The following ZMYM3 variants were observed in gnomAD, a reference collection of about 807,000 sequenced individuals.
ZMYM3 encodes zinc finger MYM-type protein 3.
ZMYM3 carries 6 observed loss-of-function variants against 94.2 expected under a neutral mutation model. The ratio of observed to expected loss-of-function variants is 0.06; its 90% CI spans 0.03 to 0.13. The LOEUF (loss-of-function observed/expected upper bound fraction) is 0.13. Ranked by LOEUF, ZMYM3 falls within the 10% of genes least tolerant of loss-of-function variation. ZMYM3 has a pLI of 1.00. For missense variants in ZMYM3, 664 were observed against 1,132.6 expected (o/e 0.59, Z 5.94); for synonymous variants, 420 against 426.5 (o/e 0.98, Z 0.19).
intron 2 of ZMYM3, chrX:71,252,019 C>T (rs1308717710): frequency 4.2e-6 from 1 of 237,026 alleles, no homozygotes; most frequent in Admixed American, 9.4e-5. Context: ...ACCCTCGTCA[C>T]AGCCTGATAG....
chrX:71,245,980 A>G lies in ZMYM3; in HGVS notation c.2685+6T>C. The G allele has an allele frequency of 8.3e-7, 1 of 1,207,542 alleles. No individual in the cohort carries two copies. Reference sequence around the variant, plus strand: ...GGACCCAGCCAGGAAGGGCAGGGAAACTCACCGGGATAGGCATCGAGAAAG... The same window carrying G: ...GGACCCAGCCAGGAAGGGCAGGGAAGCTCACCGGGATAGGCATCGAGAAAG... On this transcript the variant is annotated splice_donor_region_variant and intron_variant, in intron 16 of 24. Transcript: ENST00000314425.
At position 71,248,293 on chromosome X, in the gene ZMYM3, C is replaced by A; in HGVS notation, c.1844G>T (p.Cys615Phe). 1 of 1,205,392 alleles carries A rather than the reference C, an allele frequency of 8.3e-7. No individual in the cohort carries two copies. The highest frequency in any genetic ancestry group is 1.8e-5 in the South Asian group (1 of 55,492). ...GAAGTCCTCACAGCAATCACGGCAG[C>A]AGAACTGGAACACTTGGTCCTGAGG... ...LDWQDQVFQF[C>F]CRDCCEDFKR... is the part of the protein sequence containing the mutation. The change falls in exon 11 of 25, where the codon TGC becomes TTC. Residue 615 changes from cysteine (C) to phenylalanine (F), a missense_variant. Cys to Phe is a radical substitution (Grantham distance 205). This residue lies in a region of ZMYM3 where 159 missense variants were observed against 313.0 expected (regional missense o/e 0.51). Transcript: ENST00000314425.
intron 13 of ZMYM3, 64 bp from the exon 14 acceptor site, chrX:71,246,756 G>A (rs2030197616): frequency 9.6e-7 from 1 of 1,046,906 alleles, no homozygotes; most frequent in East Asian, 3.1e-5. Flanking sequence ...CCTTACCCCT[G>A]TTCCAGGAGA....
chrX:71,242,101 G>A, intron 23 of ZMYM3, 69 bp downstream of exon 23: 1 of 1,139,847 alleles, frequency 8.8e-7, no homozygotes, highest in South Asian at 2.0e-5. Flanking sequence ...GGTATGGTGG[G>A]TTATGGCAGG....
chrX:71,249,060 C>T lies in ZMYM3; in HGVS notation c.1580G>A (p.Cys527Tyr). Residue 527 changes from cysteine (C) to tyrosine (Y), a missense_variant, in exon 8 of 25, where the codon TGC (cysteine) becomes TAC (tyrosine). Cys to Tyr is a radical substitution (Grantham distance 194, BLOSUM62 -2). Coordinates refer to ENST00000314425, the MANE Select transcript of ZMYM3 (RefSeq NM_201599.3). Reference protein sequence around the residue: ...NGKTSLFCSLCCTTSYKVKQA... With the variant: ...NGKTSLFCSLYCTTSYKVKQA... ...CTTCACTTTGTAAGAAGTGGTACAG[C>T]ACAGGGAACAGAACAAGCTGGTCTT... 8.3e-7 allele frequency: 1 copy of T among 1,211,361 alleles called. No individual in the cohort carries two copies. The highest frequency in any genetic ancestry group is 1.1e-6 in the Non-Finnish European group (1 of 895,479).
Position 71,246,765 on chromosome X carries a change from G to A in ZMYM3, c.2315-73C>T, listed in dbSNP as rs998218789. 2.8e-5 allele frequency: 28 copies of A among 1,010,282 alleles called. No individual in the cohort carries two copies. In the African/African-American group the frequency reaches 2.8e-4, roughly 10 times the overall value. The allele number at this position is 1,010,282 out of a possible 1,213,427, so 83.3% of individuals were successfully genotyped here. Reference sequence around the variant, plus strand: ...CATTTTCCTTACCCCTGTTCCAGGAGAGCTTCATTAACAGGTACACCAAAT... The same window carrying A: ...CATTTTCCTTACCCCTGTTCCAGGAAAGCTTCATTAACAGGTACACCAAAT... On this transcript the variant is annotated intron_variant, in intron 13 of 24. Coordinates refer to ENST00000314425, the MANE Select transcript of ZMYM3 (RefSeq NM_201599.3).
chrX:71,251,410 A>G, intron 3 of ZMYM3, 148 bp downstream of exon 3: 3 of 938,984 alleles, frequency 3.2e-6, no homozygotes, highest in Non-Finnish European at 4.4e-6. Flanking sequence ...TTTCTCCCCA[A>G]CAAGCAGTAG....
In ZMYM3 at chrX:71,246,382, A is replaced by G. The variant is rs755704077; in HGVS notation, c.2543T>C (p.Val848Ala). 1 of 1,189,035 alleles carries G rather than the reference A, an allele frequency of 8.4e-7. No individual in the cohort carries two copies. The highest frequency in any genetic ancestry group is 1.1e-6 in the Non-Finnish European group (1 of 887,171). Residue 848 changes from valine (V) to alanine (A), a missense_variant, in exon 15 of 25, where the codon GTG (valine) becomes GCG (alanine). Around this residue, in one of 9 missense-constraint regions of ZMYM3, gnomAD observed 57 missense variants for 52.0 expected, o/e 1.10. Coordinates refer to ENST00000314425, the MANE Select transcript of ZMYM3 (RefSeq NM_201599.3). Reference sequence around the variant, plus strand: ...TTGACTTCCTTTGGACTTCATCTCCACCTTGCAGGAGACGCCCCGATTCTG... The same window carrying G: ...TTGACTTCCTTTGGACTTCATCTCCGCCTTGCAGGAGACGCCCCGATTCTG... ...LMQNRGVSCK[V>A]EMKSKGSQTE...
chrX:71,250,102 T>A lies in ZMYM3; in HGVS notation c.1175A>T (p.Gln392Leu). The A allele has an allele frequency of 4.1e-6, 5 of 1,208,304 alleles. No homozygotes were observed. The highest frequency in any genetic ancestry group is 4.5e-6 in the Non-Finnish European group (4 of 894,022). Reference protein sequence around the residue: ...TSVCLSLYEAQQQRPIPQSGD... With the variant: ...TSVCLSLYEALQQRPIPQSGD... ...AGACTGGGGGATCGGGCGCTGCTGCTGGGCCTCATACAGGGAGAGACAGAC... is the reference window on the plus strand; with the variant it reads ...AGACTGGGGGATCGGGCGCTGCTGCAGGGCCTCATACAGGGAGAGACAGAC... Residue 392 changes from glutamine to leucine, a missense_variant, in exon 6 of 25, where the codon CAG becomes CTG. Gln to Leu is a moderately radical substitution (Grantham distance 113, BLOSUM62 -2). Coordinates refer to ENST00000314425, the MANE Select transcript of ZMYM3 (RefSeq NM_201599.3).
intron 13 of ZMYM3, 136 bp downstream of exon 13, chrX:71,247,204 AAAGAG>A: frequency 1.8e-6 from 1 of 558,749 alleles, no homozygotes; most frequent in East Asian, 3.7e-5. Context: ...TCGGAAGCTA[AAAGAG>A]AATACAGTTC....
chrX:71,247,325 A>T lies in ZMYM3; in HGVS notation c.2314+20T>A. The T allele has an allele frequency of 8.5e-7, 1 of 1,171,733 alleles. No individual in the cohort carries two copies. Among genetic ancestry groups the T allele is most frequent in the Non-Finnish European group, 1.1e-6 (1 of 873,014 alleles). ...GTCCAGGCTCCCTCTAACAGAGTGT[A>T]CCCCCTGCCTGGGACTCACTGTTCA... is the stretch of plus-strand genomic sequence containing the variant. On this transcript the variant is annotated intron_variant, in intron 13 of 24. Coordinates refer to ENST00000314425, the MANE Select transcript of ZMYM3 (RefSeq NM_201599.3).
intron 18 of ZMYM3, 101 bp from the exon 19 acceptor site, chrX:71,244,994 C>A: frequency 1.5e-6 from 1 of 681,908 alleles, no homozygotes; most frequent in Non-Finnish European, 2.2e-6. Context: ...ACTAGATGAG[C>A]CAAAGGAACC....
chrX:71,245,419 T>C lies in ZMYM3; in HGVS notation c.2927A>G (p.Asp976Gly). 1 of 1,211,175 alleles carries C rather than the reference T, an allele frequency of 8.3e-7. No homozygotes were observed. The highest frequency in any genetic ancestry group is 1.1e-6 in the Non-Finnish European group (1 of 895,374). The change falls in exon 18 of 25, where the codon GAT becomes GGT. Residue 976 changes from aspartate to glycine, a missense_variant. By Grantham distance (94) the Asp-to-Gly change is moderately conservative. Transcript: ENST00000314425. ...CTTGACTGCCATGGCCAGGACATCA[T>C]CTCGAGCAGGCCCAAACAGGTCACA... ...EDCDLFGPAR[D>G]DVLAMAVKMA...
chrX:71,247,809 G>C lies in ZMYM3; in HGVS notation c.2073C>G (p.Thr691=). 8.3e-7 allele frequency: 1 copy of C among 1,211,704 alleles called. No individual in the cohort carries two copies. Among genetic ancestry groups the C allele is most frequent in the Admixed American group, 2.2e-5 (1 of 46,046 alleles). ...CCCAGGTGCTGCCATCCAGTTGCTC[G>C]GTGACTCCGCGCTGGCAGGTCTGGG... ...YCSQTCQRGV[T]EQLDGSTWDF... Residue 691 remains threonine (T), a synonymous_variant, in exon 12 of 25, where the codon ACC becomes ACG. Transcript: ENST00000314425.
Position 71,244,391 on chromosome X carries a change from T to C in ZMYM3, c.3191A>G (p.Tyr1064Cys). The change falls in exon 20 of 25, where the codon TAT becomes TGT. Residue 1064 changes from tyrosine (Y) to cysteine (C), a missense_variant. Physicochemically the swap from Tyr to Cys is radical, Grantham distance 194. Transcript: ENST00000314425. Reference protein sequence around the residue: ...SSQPSCTGLNYSYGVNAWKCW... With the variant: ...SSQPSCTGLNCSYGVNAWKCW... ...CTTCCAAGCATTGACACCATATGAATAGTTGAGCCCGGTACAACTAGGCTG... is the reference window on the plus strand; with the variant it reads ...CTTCCAAGCATTGACACCATATGAACAGTTGAGCCCGGTACAACTAGGCTG... 3 of 1,211,385 alleles carry C rather than the reference T, an allele frequency of 2.5e-6. No individual in the cohort carries two copies.
intron 20 of ZMYM3, 100 bp from the exon 21 acceptor site, chrX:71,244,080 C>T: frequency 9.4e-7 from 1 of 1,061,956 alleles, no homozygotes; most frequent in South Asian, 2.2e-5. Flanking sequence ...CTTAGTCATG[C>T]CTAGCTCCTG....
chrX:71,251,399 C>A (rs2030463994), intron 3 of ZMYM3, 155 bp from the exon 4 acceptor site: 2 of 937,382 alleles, frequency 2.1e-6, no homozygotes, highest in South Asian at 2.4e-5. Context: ...GGAGGTTGGA[C>A]TTTCTCCCCA....
rs1477584963 is a variant in ZMYM3 at position 71,240,559 on chromosome X, G to A, written c.*357C>T. 3.0e-5 allele frequency: 5 copies of A among 164,535 alleles called. No homozygotes were observed. The highest frequency in any genetic ancestry group is 1.5e-4 in the Admixed American group (2 of 13,332). 13.6% of individuals were successfully genotyped at this position (164,535 alleles called of 1,213,427 possible). A position where few individuals can be genotyped will look rare whatever the true frequency, so the allele number is the denominator to read the frequency against. Reference sequence around the variant, plus strand: ...TAGGAACAAGAGGCTCTACCTATGCGGGATGGGTCAGGAAACCCAAAGCCA... The same window carrying A: ...TAGGAACAAGAGGCTCTACCTATGCAGGATGGGTCAGGAAACCCAAAGCCA... On this transcript the variant is annotated 3_prime_UTR_variant, in exon 25 of 25. Transcript: ENST00000314425.
chrX:71,252,253 G>A (rs774146390), intron 2 of ZMYM3, among the ~76,000 whole-genome samples: 8 of 111,140 alleles, frequency 7.2e-5, no homozygotes, highest in Non-Finnish European at 1.5e-4. Flanking sequence ...GAAGCCTGGT[G>A]TACTCCCCCA....
Sources: gnomAD v4.1 joint callset for allele counts (sites outside exome capture counted in the v4.1 genomes callset) on GRCh38, gnomAD v4.1.1 for gene constraint, gnomAD v4.1.1 regional missense constraint, MANE v1.5 for transcripts, NCBI Gene and HGNC (gene_info 2026-07-23, HGNC 2026-07-21) for gene names.